ZC3HC1: variants seen among roughly 807,000 people sequenced by gnomAD.
The protein encoded by ZC3HC1 is zinc finger C3HC-type protein 1.
In ZC3HC1, 38 loss-of-function variants were observed where a neutral mutation model predicts 61.9. That is an observed-to-expected ratio of 0.61 (90% CI 0.47 to 0.81). ZC3HC1 has a LOEUF of 0.81. ZC3HC1 is among the 30% of genes least tolerant of loss of function. ZC3HC1 has a pLI of 0.00. For missense variants in ZC3HC1, 554 were observed against 622.7 expected (o/e 0.89, Z 1.17); for synonymous variants, 213 against 229.9 (o/e 0.93, Z 0.67).
intron 3 of ZC3HC1, among the ~76,000 whole-genome samples, chr7:130,040,601 T>C (rs1262793127): frequency 3.4e-5 from 5 of 145,106 alleles, no homozygotes; most frequent in Non-Finnish European, 7.5e-5. Context: ...AGCTCAGGAG[T>C]TCAAGACTAG....
chr7:130,022,339 G>C lies in ZC3HC1; in HGVS notation c.1420C>G (p.Pro474Ala). ...ILLAHKQSSQ[P>A]AETDSMSLSE... ...CTCACCATGGAGTCCGTTTCAGCTG[G>C]CTGGCTAGACTGTTTGTGCGCCAAG... Residue 474 changes from proline to alanine, a missense_variant, in exon 9 of 10, where the codon CCA (proline) becomes GCA (alanine). Physicochemically the swap from Pro to Ala is conservative, Grantham distance 27 (BLOSUM62 -1). Transcript: ENST00000358303. 6.2e-7 allele frequency: 1 copy of C among 1,614,152 alleles called. No homozygotes were observed. The highest frequency in any genetic ancestry group is 8.5e-7 in the Non-Finnish European group (1 of 1,180,034).
At chr7:130,019,054 C>CTTTT (rs397746688) in intron 9 of ZC3HC1, among the ~76,000 whole-genome samples, 3 of 132,980 alleles carry the variant, frequency 2.3e-5, no homozygotes, top group Non-Finnish European at 4.8e-5. Flanking sequence ...ACTGGTTTTT[C>CTTTT]TTTTTTTTTT....
intron 6 of ZC3HC1, among the ~76,000 whole-genome samples, 179 bp downstream of exon 6, chr7:130,025,979 T>C (rs1345161313): frequency 6.6e-6 from 1 of 152,036 alleles, no homozygotes; most frequent in Non-Finnish European, 1.5e-5. Flanking sequence ...ATTCCAATTC[T>C]GGTTTTGTTA....
chr7:130,026,023 C>T, intron 6 of ZC3HC1, 135 bp downstream of exon 6: 1 of 1,007,332 alleles, frequency 9.9e-7, no homozygotes, highest in Non-Finnish European at 1.4e-6. Context: ...TCGCACCATC[C>T]CCCACCCAGT....
intron 6 of ZC3HC1, among the ~76,000 whole-genome samples, chr7:130,025,696 G>A (rs10281547): frequency 0.23 from 34,344 of 151,078 alleles, 4,075 homozygotes; most frequent in Non-Finnish European, 0.25. Flanking sequence ...GTGAAACCCC[G>A]TCTCTACCAA....
intron 9 of ZC3HC1, among the ~76,000 whole-genome samples, chr7:130,018,960 T>A (rs1229729559): frequency 6.6e-6 from 1 of 151,946 alleles, no homozygotes; most frequent in Non-Finnish European, 1.5e-5. Context: ...GCTCATATCC[T>A]CCCTTCAGGC....
In ZC3HC1 at chr7:130,041,599, G is replaced by A. The variant is rs1054259214; in HGVS notation, c.259-498C>T. Reference sequence around the variant, plus strand: ...GAGTACAATGGCACAGTCTCGGCTCGGTTTCTGCAACCTCCACTTCCCGGG... The same window carrying A: ...GAGTACAATGGCACAGTCTCGGCTCAGTTTCTGCAACCTCCACTTCCCGGG... On this transcript the variant is annotated intron_variant, in intron 2 of 9. Coordinates refer to ENST00000358303, the MANE Select transcript of ZC3HC1 (RefSeq NM_016478.5). Among the ~76,000 whole-genome samples, 12 of 145,974 alleles carry A rather than the reference G, an allele frequency of 8.2e-5. No homozygotes were observed. In the South Asian group the frequency reaches 8.7e-4, roughly 11 times the overall value.
At chr7:130,028,835 G>T in intron 5 of ZC3HC1, 67 bp downstream of exon 5, 2 of 1,562,376 alleles carry the variant, frequency 1.3e-6, no homozygotes, top group Non-Finnish European at 1.7e-6. Flanking sequence ...GTCATTAAAA[G>T]AAATGCTTCA....
intron 6 of ZC3HC1, among the ~76,000 whole-genome samples, chr7:130,025,153 G>A (rs1317598732): frequency 6.6e-6 from 1 of 150,688 alleles, no homozygotes; most frequent in African/African-American, 2.4e-5. Context: ...TGATCCACCC[G>A]CCTTGGCCTC....
chr7:130,024,475 T>C lies in ZC3HC1; in HGVS notation c.808A>G (p.Ile270Val), dbSNP rs1793798727. The C allele has an allele frequency of 6.2e-7, 1 of 1,613,534 alleles. No homozygotes were observed. The highest frequency in any genetic ancestry group is 1.3e-5 in the African/African-American group (1 of 74,922). The change falls in exon 7 of 10, where the codon ATA becomes GTA. Residue 270 changes from isoleucine to valine, a missense_variant. Coordinates refer to ENST00000358303, the MANE Select transcript of ZC3HC1 (RefSeq NM_016478.5). ...SSLESMQLSL[I>V]TCSQCMRKVG... is the part of the protein sequence containing the mutation. Reference sequence around the variant, plus strand: ...TTCCTCATACATTGCGAACATGTTATCAGGGAGAGCTGCATGGATTCCAAA... The same window carrying C: ...TTCCTCATACATTGCGAACATGTTACCAGGGAGAGCTGCATGGATTCCAAA...
chr7:130,032,963 A>C (rs1408340578), intron 4 of ZC3HC1, among the ~76,000 whole-genome samples: 1 of 152,210 alleles, frequency 6.6e-6, no homozygotes, highest in Non-Finnish European at 1.5e-5. Context: ...AATTATTATT[A>C]GCCAGGTGGC....
chr7:130,041,523 TC>T (rs1794671407), intron 2 of ZC3HC1, among the ~76,000 whole-genome samples: 1 of 101,098 alleles, frequency 9.9e-6, no homozygotes, highest in Non-Finnish European at 2.2e-5. Context: ...CTTAACTCAT[TC>T]TTTTTTTTTT....
At chr7:130,048,156 T>G (rs1390885689) in intron 2 of ZC3HC1, among the ~76,000 whole-genome samples, 2 of 145,890 alleles carry the variant, frequency 1.4e-5, no homozygotes, top group East Asian at 2.0e-4. Context: ...TTTTTTTTTT[T>G]TTTTTTTTTT....
intron 4 of ZC3HC1, among the ~76,000 whole-genome samples, chr7:130,030,197 T>A (rs1176265704): frequency 0.07 from 63 of 902 alleles, no homozygotes; most frequent in Non-Finnish European, 0.087. Context: ...GAATCAGCCT[T>A]TTTTTTTTTT....
chr7:130,036,430 C>T (rs1794433909), intron 4 of ZC3HC1, among the ~76,000 whole-genome samples: 1 of 151,910 alleles, frequency 6.6e-6, no homozygotes, highest in African/African-American at 2.4e-5. Context: ...GGCATGGTGG[C>T]GGGCACCTGT....
At position 130,023,217 on chromosome 7, in the gene ZC3HC1, TG is replaced by T; in HGVS notation, c.1233+293del. On this transcript the variant is annotated intron_variant, in intron 8 of 9. Transcript: ENST00000358303. The surrounding 1 kb of genome is among the most constrained non-coding windows in gnomAD (Gnocchi z 4.2). ...AATGGTCTTCCATGAAAACGGTCCC[TG>T]GTGCCAAAAAGGTTGGGGACCGCTG... The T allele has an allele frequency of 2.5e-6, 1 of 397,542 alleles. No homozygotes were observed. Among genetic ancestry groups the T allele is most frequent in the South Asian group, 3.9e-5 (1 of 25,914 alleles). The allele number at this position is 397,542 out of a possible 1,614,324, so 24.6% of individuals were successfully genotyped here.
intron 6 of ZC3HC1, 69 bp downstream of exon 6, chr7:130,026,089 G>A: frequency 6.8e-7 from 1 of 1,459,940 alleles, no homozygotes; most frequent in Non-Finnish European, 9.2e-7. Flanking sequence ...AATACGATTA[G>A]TGACTGATAT....
intron 2 of ZC3HC1, among the ~76,000 whole-genome samples, chr7:130,041,762 C>T (rs960630997): frequency 1.3e-5 from 2 of 151,210 alleles, no homozygotes; most frequent in African/African-American, 4.9e-5. Context: ...CTTGTGACCT[C>T]GTGATCCACC....
At chr7:130,045,621 G>T in intron 2 of ZC3HC1, 1 of 433,240 alleles carries the variant, frequency 2.3e-6, no homozygotes, top group Non-Finnish European at 4.7e-6. Context: ...CATCAACTGG[G>T]CCAGGTGCAG....
Sources: allele counts gnomAD v4.1 joint callset (sites outside exome capture counted in the v4.1 genomes callset), GRCh38; gene constraint gnomAD v4.1.1; non-coding constraint Gnocchi (gnomAD v3.1); transcripts MANE v1.5; gene names NCBI Gene and HGNC (gene_info 2026-07-23, HGNC 2026-07-21).